AKAP10: variants seen among roughly 807,000 people sequenced by gnomAD.
AKAP10 encodes A-kinase anchor protein 10, mitochondrial.
AKAP10 carries 24 observed loss-of-function variants against 80.8 expected under a neutral mutation model. The observed-to-expected ratio is 0.30, with a 90% CI of 0.22 to 0.42. The LOEUF is 0.42. Among genes scored for constraint, AKAP10 ranks in the 10% least tolerant of loss-of-function variants. The pLI, the probability that AKAP10 is intolerant of heterozygous loss-of-function variation, is 1.00. For synonymous variants in AKAP10, 291 were observed against 277.7 expected, an observed-to-expected ratio of 1.05 and a Z score of -0.48; for missense variants, 661 against 794.9, an observed-to-expected ratio of 0.83 and a Z score of 2.03.
chr17:19,920,887 C>CAAAAAAAAAAAAAAA lies in AKAP10; in HGVS notation c.1752-770_1752-769insTTTTTTTTTTTTTTT, dbSNP rs2042805303. Among the ~76,000 whole-genome samples the CAAAAAAAAAAAAAAA allele has an allele frequency of 2.2e-4, 15 of 66,880 alleles. 1 individual carries two copies. The highest frequency in any genetic ancestry group is 9.4e-4 in the African/African-American group (15 of 15,878). The allele number at this position is 66,880 out of a possible 152,430, so 43.9% of individuals were successfully genotyped here. On this transcript the variant is annotated intron_variant, in intron 11 of 14. Coordinates refer to ENST00000225737, the MANE Select transcript of AKAP10 (RefSeq NM_007202.4). Reference sequence around the variant, plus strand: ...AAAAAAAAAAAAAAAAAAAAAAAAGCAAAAAATACAGTAAGGGTCTTATTT... The same window carrying CAAAAAAAAAAAAAAA: ...AAAAAAAAAAAAAAAAAAAAAAAAGCAAAAAAAAAAAAAAAAAAAAATACAGTAAGGGTCTTATTT...
chr17:19,911,850 A>G (rs1188716713), intron 12 of AKAP10, among the ~76,000 whole-genome samples: 1 of 120,346 alleles, frequency 8.3e-6, no homozygotes, highest in African/African-American at 6.2e-5. Flanking sequence ...AAAAAAAAAA[A>G]AAAAAAAAAA....
intron 12 of AKAP10, among the ~76,000 whole-genome samples, chr17:19,914,831 C>A (rs1374425710): frequency 6.6e-6 from 1 of 151,938 alleles, no homozygotes; most frequent in Non-Finnish European, 1.5e-5. Context: ...TGCAGAGGCA[C>A]TCAAAGTGAA....
intron 12 of AKAP10, among the ~76,000 whole-genome samples, chr17:19,918,245 A>AG (rs201430720): frequency 0.012 from 1,832 of 151,752 alleles, 35 homozygotes; most frequent in African/African-American, 0.042. Flanking sequence ...AAAAAAAAGA[A>AG]AATAAGATAA....
At chr17:19,950,498 A>G (rs554941839) in intron 4 of AKAP10, among the ~76,000 whole-genome samples, 1 of 152,200 alleles carries the variant, frequency 6.6e-6, no homozygotes, top group African/African-American at 2.4e-5. Flanking sequence ...TTTGGTGGAG[A>G]CGGGGTTTCG....
intron 2 of AKAP10, among the ~76,000 whole-genome samples, chr17:19,965,482 T>C (rs1597529450): frequency 6.6e-6 from 1 of 152,136 alleles, no homozygotes; most frequent in East Asian, 1.9e-4. Context: ...CTGTCTCAAT[T>C]CTCTTTTCTG....
intron 12 of AKAP10, among the ~76,000 whole-genome samples, chr17:19,912,308 G>A (rs1014372089): frequency 2.0e-5 from 3 of 152,158 alleles, no homozygotes; most frequent in Admixed American, 6.6e-5. Context: ...AAACTGAGAC[G>A]AGTAGATCAC....
chr17:19,931,898 T>C lies in AKAP10; in HGVS notation c.1548A>G (p.Glu516=), dbSNP rs754290269. 1.9e-6 allele frequency: 3 copies of C among 1,613,946 alleles called. No homozygotes were observed. The highest frequency in any genetic ancestry group is 2.2e-5 in the South Asian group (2 of 91,086). The change falls in exon 10 of 15, where the codon GAA becomes GAG. Residue 516 remains glutamate (E), a synonymous_variant. Coordinates refer to ENST00000225737, the MANE Select transcript of AKAP10 (RefSeq NM_007202.4). ...NDLIHSVRGD[E]FLGGNVSLTA... ...TCAGCGACACGTTCCCGCCCAGAAA[T>C]TCATCTCCTCGAACCGAATGGATGA...
At chr17:19,941,699 T>C (rs1235842479) in intron 6 of AKAP10, 127 bp downstream of exon 6, 1 of 549,042 alleles carries the variant, frequency 1.8e-6, no homozygotes, top group Non-Finnish European at 2.8e-6. Context: ...ATGCTTTATA[T>C]GATCTTGTAA....
At chr17:19,961,904 C>T (rs971064220) in intron 3 of AKAP10, among the ~76,000 whole-genome samples, 2 of 151,982 alleles carry the variant, frequency 1.3e-5, no homozygotes, top group African/African-American at 2.4e-5. Context: ...TTGCTTGAGG[C>T]CAGGAGTTTG....
rs539502721 is a variant in AKAP10 at position 19,965,004 on chromosome 17, G to C, written c.137-1982C>G. 9.8e-5 allele frequency among the ~76,000 whole-genome samples: 15 copies of C among 152,358 alleles called. No individual in the cohort carries two copies. The South Asian group carries it at 3.1e-3, about 32-fold the overall frequency. On this transcript the variant is annotated intron_variant, in intron 2 of 14. Coordinates refer to ENST00000225737, the MANE Select transcript of AKAP10 (RefSeq NM_007202.4). ...GCAACAGCTCCTAGGGTACACCTCTGTGGAGCAGATGAAAAAGCCCTGATC... is the reference window on the plus strand; with the variant it reads ...GCAACAGCTCCTAGGGTACACCTCTCTGGAGCAGATGAAAAAGCCCTGATC...
chr17:19,934,426 C>A (rs1269049371), intron 9 of AKAP10, among the ~76,000 whole-genome samples: 1 of 152,150 alleles, frequency 6.6e-6, no homozygotes, highest in Admixed American at 6.5e-5. Context: ...CGGCTCACTG[C>A]AGCCTTTAAT....
intron 2 of AKAP10, among the ~76,000 whole-genome samples, chr17:19,964,784 T>G (rs1034441417): frequency 1.3e-5 from 2 of 152,096 alleles, no homozygotes; most frequent in Non-Finnish European, 2.9e-5. Flanking sequence ...TCCCAGCTAC[T>G]TGGGAGGCTG....
chr17:19,923,063 T>C (rs1041067450), intron 11 of AKAP10, among the ~76,000 whole-genome samples: 2 of 152,164 alleles, frequency 1.3e-5, no homozygotes, highest in Non-Finnish European at 2.9e-5. Flanking sequence ...TTAGGTTTAC[T>C]GTCCATTCTT....
At chr17:19,931,784 G>A in intron 10 of AKAP10, 21 bp downstream of exon 10, 1 of 1,601,390 alleles carries the variant, frequency 6.2e-7, no homozygotes. Flanking sequence ...CTCCCTAATG[G>A]CAGACGCAAT....
intron 10 of AKAP10, among the ~76,000 whole-genome samples, chr17:19,925,226 G>T (rs560342744): frequency 6.6e-6 from 1 of 152,168 alleles, no homozygotes; most frequent in Middle Eastern, 3.4e-3. Flanking sequence ...CATTCTTAAC[G>T]ACCTAAGTTC....
chr17:19,957,131 C>T (rs2043286188), intron 4 of AKAP10, among the ~76,000 whole-genome samples: 1 of 151,916 alleles, frequency 6.6e-6, no homozygotes. Flanking sequence ...AATTTCTAAA[C>T]TAATAGAGAA....
chr17:19,931,380 T>C (rs2042930593), intron 10 of AKAP10, among the ~76,000 whole-genome samples: 1 of 151,444 alleles, frequency 6.6e-6, no homozygotes, highest in Non-Finnish European at 1.5e-5. Context: ...AGTAGGCTAA[T>C]TTTATTTCTC....
At chr17:19,963,264 G>A (rs2043375773) in intron 2 of AKAP10, among the ~76,000 whole-genome samples, 1 of 145,536 alleles carries the variant, frequency 6.9e-6, no homozygotes, top group African/African-American at 2.5e-5. Context: ...CACCCAGGCT[G>A]GAGTGCAGTG....
intron 12 of AKAP10, among the ~76,000 whole-genome samples, chr17:19,911,833 C>T (rs2042692834): frequency 5.4e-5 from 1 of 18,392 alleles, no homozygotes; most frequent in Non-Finnish European, 1.1e-4. Context: ...AAAACTCTGT[C>T]ACAAAAAAAA....
Sources: allele counts gnomAD v4.1 joint callset (sites outside exome capture counted in the v4.1 genomes callset), GRCh38; gene constraint gnomAD v4.1.1; transcripts MANE v1.5; gene names NCBI Gene and HGNC (gene_info 2026-07-23, HGNC 2026-07-21).